The following DPYD variants were observed in gnomAD, a reference collection of about 807,000 sequenced individuals.
DPYD encodes the protein dihydropyrimidine dehydrogenase [NADP(+)].
In DPYD, 109 loss-of-function variants were observed where a neutral mutation model predicts 116.2. That is an observed-to-expected ratio of 0.94 (90% CI 0.80 to 1.10). The LOEUF (loss-of-function observed/expected upper bound fraction) is 1.10. Ranked by LOEUF, DPYD falls within the 50% of genes least tolerant of loss-of-function variation. The pLI, the probability that DPYD is intolerant of heterozygous loss-of-function variation, is 0.00. For missense variants in DPYD, 1,302 were observed against 1,254.5 expected, an observed-to-expected ratio of 1.04 and a Z score of -0.57; for synonymous variants, 440 against 432.0, an observed-to-expected ratio of 1.02 and a Z score of -0.23.
At chr1:97,183,102 C>A (rs369810735) in intron 20 of DPYD, among the ~76,000 whole-genome samples, 25,730 of 151,692 alleles carry the variant, frequency 0.17, 2,641 homozygotes, top group Middle Eastern at 0.27. Flanking sequence ...AGACATTTTT[C>A]CTTTCCCCAA....
intron 18 of DPYD, among the ~76,000 whole-genome samples, chr1:97,295,017 T>C (rs965031835): frequency 4.6e-5 from 7 of 152,226 alleles, no homozygotes; most frequent in African/African-American, 1.7e-4. Context: ...TTTAGACAGA[T>C]ATGACAGATG....
chr1:97,868,480 T>C (rs945983402), intron 2 of DPYD, among the ~76,000 whole-genome samples: 1 of 151,876 alleles, frequency 6.6e-6, no homozygotes. Flanking sequence ...TCATTACCAA[T>C]ATTTAGGTAA....
intron 16 of DPYD, among the ~76,000 whole-genome samples, chr1:97,334,149 C>T (rs954614955): frequency 6.6e-6 from 1 of 152,060 alleles, no homozygotes; most frequent in Non-Finnish European, 1.5e-5. Context: ...GGACATATCC[C>T]TCATGAATAT....
At chr1:97,227,755 A>G (rs2100719729) in intron 19 of DPYD, among the ~76,000 whole-genome samples, 1 of 152,244 alleles carries the variant, frequency 6.6e-6, no homozygotes, top group South Asian at 2.1e-4. Context: ...CACTGAAGGT[A>G]GCACTATATA....
chr1:97,460,498 A>G (rs955787696), intron 13 of DPYD, among the ~76,000 whole-genome samples: 2 of 152,154 alleles, frequency 1.3e-5, no homozygotes, highest in South Asian at 4.1e-4. Context: ...GCTCAAAAAA[A>G]CGACACCCTG....
intron 4 of DPYD, among the ~76,000 whole-genome samples, chr1:97,735,619 C>T (rs992605783): frequency 5.7e-4 from 86 of 150,672 alleles, no homozygotes; most frequent in African/African-American, 2.0e-3. Context: ...ACCCGGGAGG[C>T]GGAGCTTGCA....
intron 10 of DPYD, among the ~76,000 whole-genome samples, chr1:97,580,507 G>C (rs1281057818): frequency 2.0e-5 from 3 of 152,156 alleles, no homozygotes; most frequent in African/African-American, 4.8e-5. Context: ...GTGAGCTACA[G>C]TTAAAATAAA....
intron 8 of DPYD, among the ~76,000 whole-genome samples, chr1:97,644,485 G>A (rs1006607427): frequency 6.6e-6 from 1 of 152,084 alleles, no homozygotes; most frequent in Non-Finnish European, 1.5e-5. Context: ...CTGAAGTGCA[G>A]TGTCACAATC....
chr1:97,660,157 ATTAAC>A (rs1295126517), intron 8 of DPYD, among the ~76,000 whole-genome samples: 1 of 152,140 alleles, frequency 6.6e-6, no homozygotes, highest in African/African-American at 2.4e-5. Context: ...ACCTGATAGG[ATTAAC>A]TTCTTTTCAA....
intron 2 of DPYD, among the ~76,000 whole-genome samples, chr1:97,880,482 A>G (rs539462350): frequency 6.6e-6 from 1 of 152,020 alleles, no homozygotes; most frequent in African/African-American, 2.4e-5. Context: ...CCACACCGAG[A>G]ATAACTTTCA....
At chr1:97,190,830 C>A (rs929994320) in intron 20 of DPYD, among the ~76,000 whole-genome samples, 3 of 152,128 alleles carry the variant, frequency 2.0e-5, no homozygotes, top group African/African-American at 7.2e-5. Flanking sequence ...TTCTAAATAT[C>A]TATTCTGGTT....
intron 3 of DPYD, among the ~76,000 whole-genome samples, chr1:97,765,692 C>T (rs1221137641): frequency 2.0e-5 from 3 of 152,154 alleles, no homozygotes; most frequent in Non-Finnish European, 2.9e-5. Context: ...AATACATGCA[C>T]GTTGTTCTAG....
intron 16 of DPYD, among the ~76,000 whole-genome samples, chr1:97,316,820 A>C (rs2049110): frequency 6.6e-6 from 1 of 151,880 alleles, no homozygotes; most frequent in Non-Finnish European, 1.5e-5. Flanking sequence ...CTTGCACCCA[A>C]AATTGATCCA....
intron 14 of DPYD, among the ~76,000 whole-genome samples, chr1:97,445,337 A>G (rs1676014945): frequency 6.6e-6 from 1 of 152,236 alleles, no homozygotes; most frequent in Admixed American, 6.5e-5. Context: ...TAATACATTC[A>G]AATGTTAAGT....
At chr1:97,833,638 A>C (rs1669633777) in intron 2 of DPYD, among the ~76,000 whole-genome samples, 1 of 152,286 alleles carries the variant, frequency 6.6e-6, no homozygotes, top group African/African-American at 2.4e-5. Flanking sequence ...CAACAAGATT[A>C]AATGAGGTAA....
chr1:97,765,217 G>A (rs560410685), intron 3 of DPYD, among the ~76,000 whole-genome samples: 1 of 152,272 alleles, frequency 6.6e-6, no homozygotes, highest in East Asian at 1.9e-4. Flanking sequence ...TAAACTCATT[G>A]TGGGAGTTGT....
intron 2 of DPYD, among the ~76,000 whole-genome samples, chr1:97,867,591 T>C (rs368463721): frequency 1.3e-5 from 2 of 151,854 alleles, no homozygotes; most frequent in Non-Finnish European, 2.9e-5. Context: ...AAGTGTGATA[T>C]ACCACATTAA....
chr1:97,500,437 TTAAA>T (rs1200140195), intron 13 of DPYD, among the ~76,000 whole-genome samples: 6 of 152,168 alleles, frequency 3.9e-5, no homozygotes, highest in South Asian at 2.1e-4. Flanking sequence ...AAATTAATAA[TTAAA>T]TAATGAATTC....
chr1:97,388,595 G>A (rs1451015260), intron 14 of DPYD, among the ~76,000 whole-genome samples: 5 of 152,082 alleles, frequency 3.3e-5, no homozygotes, highest in African/African-American at 9.7e-5. Flanking sequence ...CACTGGATTT[G>A]AAGAGACAAA....
Sources: gnomAD v4.1 joint callset for allele counts (sites outside exome capture counted in the v4.1 genomes callset) on GRCh38, gnomAD v4.1.1 for gene constraint, MANE v1.5 for transcripts, NCBI Gene and HGNC (gene_info 2026-07-23, HGNC 2026-07-21) for gene names.